Variants in PHTF2 observed in about 807,000 individuals in gnomAD.
PHTF2 encodes protein PHTF2.
A neutral mutation model predicts 101.2 loss-of-function variants in PHTF2; 60 were observed. The ratio of observed to expected loss-of-function variants is 0.59; its 90% CI spans 0.48 to 0.73. The LOEUF is 0.73. PHTF2 is among the 30% of genes least tolerant of loss of function. The probability of loss-of-function intolerance (pLI) is 0.00; values close to 1 mark genes in which losing one functional copy is unlikely to be tolerated. For missense variants in PHTF2, 747 were observed against 908.7 expected, an observed-to-expected ratio of 0.82 and a Z score of 2.29; for synonymous variants, 311 against 307.3, an observed-to-expected ratio of 1.01 and a Z score of -0.13.
At chr7:77,894,353 C>T (rs547291840) in intron 5 of PHTF2, among the ~76,000 whole-genome samples, 86 of 152,190 alleles carry the variant, frequency 5.7e-4, no homozygotes, top group Middle Eastern at 3.4e-3. Context: ...TGTTTTTGCA[C>T]GAGCTAAATT....
exon 13 of PHTF2, chr7:77,937,729 A>G: frequency 7.0e-7 from 1 of 1,420,110 alleles, no homozygotes; most frequent in East Asian, 2.5e-5. Context: ...CCCTGGCTCC[A>G]TAGTTCCCAC....
chr7:77,931,078 C>T (rs1260991763), intron 12 of PHTF2, among the ~76,000 whole-genome samples: 2 of 152,054 alleles, frequency 1.3e-5, no homozygotes, highest in African/African-American at 2.4e-5. Flanking sequence ...AGAAAAAGAA[C>T]GGACTATATG....
intron 16 of PHTF2, among the ~76,000 whole-genome samples, chr7:77,947,918 A>G (rs1806218703): frequency 1.5e-5 from 2 of 131,612 alleles, no homozygotes; most frequent in Non-Finnish European, 3.0e-5. Flanking sequence ...AGCTCACTGT[A>G]GCCTCTGCCT....
intron 10 of PHTF2, among the ~76,000 whole-genome samples, chr7:77,921,416 A>T (rs981142548): frequency 1.3e-5 from 2 of 152,210 alleles, no homozygotes; most frequent in Non-Finnish European, 2.9e-5. Flanking sequence ...ATAGAGAGAG[A>T]GTCAAATTAA....
At chr7:77,904,546 A>G (rs925268782) in intron 7 of PHTF2, among the ~76,000 whole-genome samples, 1 of 152,186 alleles carries the variant, frequency 6.6e-6, no homozygotes, top group Non-Finnish European at 1.5e-5. Context: ...GAGTGAGGCA[A>G]TGTCAGAGTT....
rs946474185 is a variant in PHTF2, at chr7:77,858,041, A to G, written c.147+3207A>G. Among the ~76,000 whole-genome samples the G allele has an allele frequency of 2.6e-5, 4 of 152,218 alleles. No homozygotes were observed. The South Asian group carries it at 8.3e-4, about 32-fold the overall frequency. On this transcript the variant is annotated intron_variant, in intron 3 of 19. Transcript: ENST00000416283. ...ATTTAGTTGGTGTTTGTTGTCTAAC[A>G]TGCATACAGCAAAATCATGATTAAA...
At chr7:77,829,314 C>T (rs1378739075) in intron 1 of PHTF2, among the ~76,000 whole-genome samples, 2 of 152,106 alleles carry the variant, frequency 1.3e-5, no homozygotes, top group African/African-American at 4.8e-5. Context: ...CATCTTCTAG[C>T]CCAAAGTACA....
chr7:77,897,300 T>TA (rs1406790247), intron 5 of PHTF2, among the ~76,000 whole-genome samples: 1 of 150,858 alleles, frequency 6.6e-6, no homozygotes, highest in East Asian at 1.9e-4. Flanking sequence ...TTCATTTTTT[T>TA]TTTTTTTTTT....
intron 1 of PHTF2, among the ~76,000 whole-genome samples, chr7:77,818,438 G>A (rs561245407): frequency 4.1e-4 from 62 of 152,268 alleles, no homozygotes; most frequent in African/African-American, 1.3e-3. Flanking sequence ...TTTTTGTATA[G>A]GATGAGAGAT....
At chr7:77,890,577 G>T (rs530488246) in intron 3 of PHTF2, among the ~76,000 whole-genome samples, 1,472 of 147,074 alleles carry the variant, frequency 0.01, 11 homozygotes, top group Middle Eastern at 0.04. Context: ...TAAAAAGTAT[G>T]TGGTGCATTG....
chr7:77,949,933 T>C, intron 17 of PHTF2, 100 bp downstream of exon 16: 1 of 639,554 alleles, frequency 1.6e-6, no homozygotes, highest in South Asian at 2.8e-5. Flanking sequence ...TTGATTAAGG[T>C]CATTTGTGCT....
At chr7:77,806,203 T>G (rs1792966433) in intron 1 of PHTF2, among the ~76,000 whole-genome samples, 1 of 151,944 alleles carries the variant, frequency 6.6e-6, no homozygotes, top group African/African-American at 2.4e-5. Flanking sequence ...GTTGATAGAA[T>G]TGTTCTTCTA....
At chr7:77,927,177 A>AAAAAAAAATATATAT (rs1554388762) in intron 11 of PHTF2, among the ~76,000 whole-genome samples, 1 of 78,160 alleles carries the variant, frequency 1.3e-5, no homozygotes, top group Non-Finnish European at 2.4e-5. Context: ...AAAAAAAAAA[A>AAAAAAAAATATATAT]ATATATATAT....
intron 2 of PHTF2, 142 bp downstream of exon 2, chr7:77,840,442 A>G: frequency 1.8e-6 from 1 of 566,740 alleles, no homozygotes; most frequent in Non-Finnish European, 3.1e-6. Context: ...ACTTCTAAAT[A>G]AATTGGAAAG....
chr7:77,822,280 T>C (rs548884367), intron 1 of PHTF2, among the ~76,000 whole-genome samples: 23 of 152,148 alleles, frequency 1.5e-4, no homozygotes, highest in African/African-American at 5.5e-4. Context: ...CTTTGCATAG[T>C]TGGGGTTGTG....
chr7:77,813,475 A>T (rs1793605697), intron 1 of PHTF2, among the ~76,000 whole-genome samples: 2 of 152,180 alleles, frequency 1.3e-5, no homozygotes, highest in Admixed American at 1.3e-4. Flanking sequence ...TGAGCAAAAG[A>T]TGATTGGATT....
intron 3 of PHTF2, among the ~76,000 whole-genome samples, chr7:77,873,653 G>A (rs888958136): frequency 2.0e-5 from 3 of 152,112 alleles, no homozygotes; most frequent in African/African-American, 7.2e-5. Context: ...GGCAGCATGG[G>A]TCGGGGAGGG....
At chr7:77,924,539 C>G (rs1012371287) in intron 11 of PHTF2, among the ~76,000 whole-genome samples, 4 of 151,970 alleles carry the variant, frequency 2.6e-5, no homozygotes, top group African/African-American at 9.7e-5. Context: ...ACTTGGGAGC[C>G]AAAGATAGAA....
exon 20 of PHTF2, chr7:77,956,177 G>C (rs1434080730): frequency 6.6e-6 from 1 of 152,376 alleles, no homozygotes; most frequent in Non-Finnish European, 1.5e-5. Context: ...TGGGCATCTG[G>C]TTTCTAAAAA....
Sources: allele counts gnomAD v4.1 joint callset (sites outside exome capture counted in the v4.1 genomes callset), GRCh38; gene constraint gnomAD v4.1.1; transcripts MANE v1.5; gene names NCBI Gene and HGNC (gene_info 2026-07-23, HGNC 2026-07-21).